ROPN1B: variants seen among roughly 807,000 people sequenced by gnomAD.
ROPN1B encodes the protein rhophilin associated tail protein 1B, also known as ropporin-1B.
A neutral mutation model predicts 23.7 loss-of-function variants in ROPN1B; 13 were observed. That is an observed-to-expected ratio of 0.55 (90% confidence interval 0.36 to 0.87). The LOEUF (loss-of-function observed/expected upper bound fraction) is 0.87. ROPN1B is among the 40% of genes least tolerant of loss of function. The pLI, the probability that ROPN1B is intolerant of heterozygous loss-of-function variation, is 0.01. For missense variants in ROPN1B, 183 were observed against 249.2 expected (o/e 0.73, Z 1.79); for synonymous variants, 67 against 100.4 (o/e 0.67, Z 1.99).
Position 125,983,277 on chromosome 3 carries a change from C to T in ROPN1B, c.596C>T (p.Thr199Met). ...QEVIGPDGLITVNDFTQNPRV... is the reference protein window; with the variant it reads ...QEVIGPDGLIMVNDFTQNPRV... ...AGAATTGGTCCTGATGGTTTAATCA[C>T]GGTGAATGACTTTACCCAAAACCCC... The change falls in exon 7 of 7, where the codon ACG becomes ATG. Residue 199 changes from threonine to methionine, a missense_variant. By Grantham distance (81) the Thr-to-Met change is moderately conservative. This residue lies in a region of ROPN1B where 80 missense variants were observed against 98.0 expected (regional missense o/e 0.82). Transcript: ENST00000514116. 5.6e-6 allele frequency: 9 copies of T among 1,613,298 alleles called. No individual in the cohort carries two copies. Among genetic ancestry groups the T allele is most frequent in the Middle Eastern group, 1.7e-4 (1 of 6,060 alleles).
rs1938443182 is a variant in ROPN1B at position 125,977,083 on chromosome 3, A to G, written c.314A>G (p.Asn105Ser). Residue 105 changes from asparagine (N) to serine (S), a missense_variant, in exon 5 of 7, where the codon AAT becomes AGT. Around this residue, in one of 3 missense-constraint regions of ROPN1B, gnomAD observed 6 missense variants for 51.6 expected, o/e 0.12. Transcript: ENST00000514116. ...KVVNLPTDLF[N>S]SVMNVGRFTE... ...GTGAATCTCCCAACAGATCTGTTTA[A>G]TAGTGTGATGAATGTGGGTCGCTTC... The G allele has an allele frequency of 6.1e-6, 6 of 984,978 alleles. No individual in the cohort carries two copies. The highest frequency in any genetic ancestry group is 9.7e-6 in the Non-Finnish European group (6 of 618,568). 61.0% of individuals were successfully genotyped at this position (984,978 alleles called of 1,614,324 possible). A position where few individuals can be genotyped will look rare whatever the true frequency, so the allele number is the denominator to read the frequency against.
In ROPN1B at chr3:125,972,121, A is replaced by G; in HGVS notation, c.67A>G (p.Lys23Glu). The change falls in exon 3 of 7, where the codon AAA (lysine) becomes GAA (glutamate). Residue 23 changes from lysine to glutamate, a missense_variant. Physicochemically the swap from Lys to Glu is moderately conservative, Grantham distance 56 (BLOSUM62 1). This residue lies in a region of ROPN1B where 97 missense variants were observed against 99.6 expected (regional missense o/e 0.97). Coordinates refer to ENST00000514116, the MANE Select transcript of ROPN1B (RefSeq NM_001308313.2). Reference sequence around the variant, plus strand: ...GCCGAAAATGCTGAAGGAGTTTGCCAAAGCCGCCATTCGGGCGCAGCCGCA... The same window carrying G: ...GCCGAAAATGCTGAAGGAGTTTGCCGAAGCCGCCATTCGGGCGCAGCCGCA... Reference protein sequence around the residue: ...ELPKMLKEFAKAAIRAQPQDL... With the variant: ...ELPKMLKEFAEAAIRAQPQDL... 1 of 1,614,230 alleles carries G rather than the reference A, an allele frequency of 6.2e-7. No homozygotes were observed. The highest frequency in any genetic ancestry group is 1.1e-5 in the South Asian group (1 of 91,084).
rs146550104 is a variant in ROPN1B, at chr3:125,982,091, A to G, written c.397-179A>G. On this transcript the variant is annotated intron_variant, in intron 5 of 6. Transcript: ENST00000514116. ...AAAATAAAGATACCCAATACTCAAT[A>G]TTTTTTAGAATGAATTAGTGACATT... Among the ~76,000 whole-genome samples the G allele has an allele frequency of 1.1e-3, 165 of 152,330 alleles. 1 individual carries two copies. Among genetic ancestry groups the G allele is most frequent in the African/African-American group, 3.8e-3 (158 of 41,584 alleles).
In ROPN1B at chr3:125,983,246, C is replaced by T; in HGVS notation, c.573-8C>T. ...GAACTAACTGCAGATATACCTTTAT[C>T]CAAACAGAATTGGTCCTGATGGTTT... is the stretch of plus-strand genomic sequence containing the variant. On this transcript the variant is annotated splice_polypyrimidine_tract_variant and splice_region_variant and intron_variant, in intron 6 of 6. Coordinates refer to ENST00000514116, the MANE Select transcript of ROPN1B (RefSeq NM_001308313.2). 1 of 1,605,668 alleles carries T rather than the reference C, an allele frequency of 6.2e-7. No homozygotes were observed. The highest frequency in any genetic ancestry group is 8.5e-7 in the Non-Finnish European group (1 of 1,172,686).
At chr3:125,982,762 C>T (rs1030798865) in intron 6 of ROPN1B, among the ~76,000 whole-genome samples, 5 of 152,112 alleles carry the variant, frequency 3.3e-5, no homozygotes, top group African/African-American at 1.2e-4. Flanking sequence ...CAGGAATCTG[C>T]GTATTTATAA....
chr3:125,975,708 G>C, intron 4 of ROPN1B, 28 bp downstream of exon 4: 1 of 1,581,160 alleles, frequency 6.3e-7, no homozygotes, highest in Non-Finnish European at 8.6e-7. Context: ...GCATTGAGGA[G>C]AATGTAGGGA....
At chr3:125,980,954 A>G (rs901646418) in intron 5 of ROPN1B, among the ~76,000 whole-genome samples, 11 of 152,138 alleles carry the variant, frequency 7.2e-5, no homozygotes, top group Non-Finnish European at 1.6e-4. Flanking sequence ...TAGAAGATGC[A>G]GTGTTTCACA....
intron 3 of ROPN1B, chr3:125,973,457 A>T: frequency 5.8e-6 from 1 of 173,502 alleles, no homozygotes; most frequent in Non-Finnish European, 1.3e-5. Context: ...ATTGCCTCTA[A>T]GATTGAACTT....
At chr3:125,972,293 T>C in intron 3 of ROPN1B, 123 bp downstream of exon 3, 1 of 847,340 alleles carries the variant, frequency 1.2e-6, no homozygotes, top group South Asian at 1.5e-5. Context: ...CGTCTTTGTT[T>C]TAGCTCTTGC....
intron 3 of ROPN1B, among the ~76,000 whole-genome samples, chr3:125,974,914 C>T (rs1040184346): frequency 4.6e-5 from 7 of 152,188 alleles, no homozygotes; most frequent in African/African-American, 1.7e-4. Context: ...AGCCCCAAGC[C>T]TCACTACATA....
At chr3:125,981,127 T>C (rs1269725824) in intron 5 of ROPN1B, among the ~76,000 whole-genome samples, 2 of 146,398 alleles carry the variant, frequency 1.4e-5, no homozygotes, top group Non-Finnish European at 3.1e-5. Context: ...ATTAACTCAA[T>C]TAAAATTAAT....
At chr3:125,979,337 A>C (rs952383983) in intron 5 of ROPN1B, among the ~76,000 whole-genome samples, 3 of 152,134 alleles carry the variant, frequency 2.0e-5, no homozygotes, top group Non-Finnish European at 2.9e-5. Flanking sequence ...GTACAGTGTG[A>C]ATGTTTGTGT....
chr3:125,982,293 A>G lies in ROPN1B; in HGVS notation c.420A>G (p.Ile140Met). 1 of 1,609,716 alleles carries G rather than the reference A, an allele frequency of 6.2e-7. No homozygotes were observed. The highest frequency in any genetic ancestry group is 8.5e-7 in the Non-Finnish European group (1 of 1,178,534). ...LGVTITKTLK[I>M]VCEVLSCDHN... ...AGACTATTACCAAAACTCTCAAGAT[A>G]GTGTGTGAGGTCTTATCATGTGACC... Residue 140 changes from isoleucine (I) to methionine (M), a missense_variant, in exon 6 of 7, where the codon ATA becomes ATG. Ile to Met is a conservative substitution (Grantham distance 10). Around this residue, in one of 3 missense-constraint regions of ROPN1B, gnomAD observed 80 missense variants for 98.0 expected, o/e 0.82. Coordinates refer to ENST00000514116, the MANE Select transcript of ROPN1B (RefSeq NM_001308313.2).
intron 5 of ROPN1B, among the ~76,000 whole-genome samples, chr3:125,978,547 T>C (rs745798457): frequency 6.6e-6 from 1 of 152,220 alleles, no homozygotes; most frequent in African/African-American, 2.4e-5. Context: ...TGAATGTAGA[T>C]GGAAAGAGGA....
intron 5 of ROPN1B, among the ~76,000 whole-genome samples, chr3:125,978,456 C>T (rs1232473537): frequency 6.6e-6 from 1 of 152,154 alleles, no homozygotes; most frequent in Non-Finnish European, 1.5e-5. Context: ...TAGTCTGATG[C>T]AGTAACTGAA....
Position 125,972,052 on chromosome 3 carries a change from T to A in ROPN1B, c.-3T>A, listed in dbSNP as rs1938227887. The stretch of plus-strand genomic sequence containing the variant: ...TTTCTCCTGAGAATAGGTCAACCAA[T>A]CAATGGCTCAGACAGATAAGCCAAC... On this transcript the variant is annotated 5_prime_UTR_variant, in exon 3 of 7. Coordinates refer to ENST00000514116, the MANE Select transcript of ROPN1B (RefSeq NM_001308313.2). 13 of 1,613,904 alleles carry A rather than the reference T, an allele frequency of 8.1e-6. No homozygotes were observed. The highest frequency in any genetic ancestry group is 1.1e-5 in the Non-Finnish European group (13 of 1,179,870).
chr3:125,979,920 C>T (rs1471423116), intron 5 of ROPN1B, among the ~76,000 whole-genome samples: 1 of 152,246 alleles, frequency 6.6e-6, no homozygotes, highest in Non-Finnish European at 1.5e-5. Flanking sequence ...GTATTCCTCC[C>T]CCCTTCAGCA....
intron 5 of ROPN1B, among the ~76,000 whole-genome samples, chr3:125,979,478 C>T (rs867832805): frequency 6.6e-6 from 1 of 152,076 alleles, no homozygotes; most frequent in Non-Finnish European, 1.5e-5. Context: ...AAAAGTTGCC[C>T]CTCCACCAAG....
chr3:125,969,760 G>A (rs1266125772), intron 1 of ROPN1B, among the ~76,000 whole-genome samples: 1 of 152,310 alleles, frequency 6.6e-6, no homozygotes, highest in Admixed American at 6.5e-5. Context: ...TGGGTGAATT[G>A]TCATGTGGAC....
Sources: gnomAD v4.1 joint callset for allele counts (sites outside exome capture counted in the v4.1 genomes callset) on GRCh38, gnomAD v4.1.1 for gene constraint, gnomAD v4.1.1 regional missense constraint, MANE v1.5 for transcripts, NCBI Gene and HGNC (gene_info 2026-07-23, HGNC 2026-07-21) for gene names.